The following PPP2R2C variants were observed in gnomAD, a reference collection of about 807,000 sequenced individuals.
PPP2R2C encodes the protein protein phosphatase 2, regulatory subunit B, gamma.
Under a neutral mutation model 45.3 loss-of-function variants are expected in PPP2R2C, and 10 were observed. The observed-to-expected ratio is 0.22, with a 90% CI of 0.14 to 0.37. The LOEUF is 0.37. Ranked by LOEUF, PPP2R2C falls within the 10% of genes least tolerant of loss-of-function variation. The pLI, the probability that PPP2R2C is intolerant of heterozygous loss-of-function variation, is 1.00. For synonymous variants in PPP2R2C, 257 were observed against 245.4 expected, an observed-to-expected ratio of 1.05 and a Z score of -0.44; for missense variants, 308 against 619.7, an observed-to-expected ratio of 0.50 and a Z score of 5.34.
chr4:6,381,248 C>T (rs1009148014), intron 1 of PPP2R2C, 154 bp from the exon 2 acceptor site: 24 of 1,534,552 alleles, frequency 1.6e-5, no homozygotes, highest in Middle Eastern at 1.7e-4. Flanking sequence ...TCAGGAGCAT[C>T]GGCGAGGGGC....
chr4:6,448,801 C>G (rs887125982), intron 1 of PPP2R2C, among the ~76,000 whole-genome samples: 1 of 152,206 alleles, frequency 6.6e-6, no homozygotes, highest in Non-Finnish European at 1.5e-5. Context: ...AACCACAAGC[C>G]AATGGCCACC....
At position 6,322,320 on chromosome 4, in the gene PPP2R2C, C is replaced by T. The variant is rs992335647; in HGVS notation, c.*982G>A. 1 of 152,218 alleles carries T rather than the reference C, an allele frequency of 6.6e-6. No individual in the cohort carries two copies. Among genetic ancestry groups the T allele is most frequent in the African/African-American group, 2.4e-5 (1 of 41,450 alleles). The allele number at this position is 152,218 out of a possible 1,614,324, so 9.4% of individuals were successfully genotyped here. On this transcript the variant is annotated 3_prime_UTR_variant, in exon 9 of 9. Coordinates refer to ENST00000382599, the MANE Select transcript of PPP2R2C (RefSeq NM_020416.4). This position sits in a 1 kb window ranked among gnomAD's most constrained non-coding sequence, Gnocchi z 7.8. ...GCTTCTTCTCGTGGACAGAGGGGATCCTAAGGGTTCCCGCTTATCCCCAGC... is the reference window on the plus strand; with the variant it reads ...GCTTCTTCTCGTGGACAGAGGGGATTCTAAGGGTTCCCGCTTATCCCCAGC...
At chr4:6,360,556 C>A (rs993958738) in intron 5 of PPP2R2C, among the ~76,000 whole-genome samples, 8 of 152,178 alleles carry the variant, frequency 5.3e-5, no homozygotes, top group African/African-American at 1.4e-4. Context: ...TGGAGGCAGC[C>A]CTGCCAAGAG....
At chr4:6,511,831 G>T (rs796625418) in intron 2 of PPP2R2C, among the ~76,000 whole-genome samples, 2 of 35,816 alleles carry the variant, frequency 5.6e-5, no homozygotes, top group Non-Finnish European at 1.3e-4. Context: ...GGTGGTGGTG[G>T]TGGTGATGGT....
rs143550981 is a variant in PPP2R2C at position 6,395,517 on chromosome 4, G to C, written c.71-14423C>G. Among the ~76,000 whole-genome samples, 837 of 152,286 alleles carry C rather than the reference G, an allele frequency of 5.5e-3. 6 individuals are homozygous for C. The highest frequency in any genetic ancestry group is 0.019 in the African/African-American group (796 of 41,564). On this transcript the variant is annotated intron_variant, in intron 1 of 8. Coordinates refer to ENST00000382599, the MANE Select transcript of PPP2R2C (RefSeq NM_020416.4). ...GAGAGGCTCCGTGTCTCGGTCTCTG[G>C]AGGACAGTCTGCTAGAGGGTGACAG... is the stretch of plus-strand genomic sequence containing the variant.
intron 1 of PPP2R2C, among the ~76,000 whole-genome samples, chr4:6,396,316 G>T (rs1483560163): frequency 6.6e-6 from 1 of 152,218 alleles, no homozygotes; most frequent in Admixed American, 6.5e-5. Flanking sequence ...GTCAGGCCAT[G>T]CCTTGTACCT....
intron 4 of PPP2R2C, among the ~76,000 whole-genome samples, chr4:6,374,701 ATGTCTGTTTCCT>A (rs990226577): frequency 6.6e-6 from 1 of 152,134 alleles, no homozygotes; most frequent in African/African-American, 2.4e-5. Context: ...TGGCGATTCC[ATGTCTGTTTCCT>A]TGGGGGCTGG....
intron 1 of PPP2R2C, among the ~76,000 whole-genome samples, chr4:6,467,735 C>T (rs1020093175): frequency 4.6e-5 from 7 of 152,076 alleles, no homozygotes; most frequent in Admixed American, 3.3e-4. Context: ...AAGTGCACAA[C>T]GAAAAGGAAA....
At chr4:6,508,567 C>T (rs11737367) in intron 2 of PPP2R2C, among the ~76,000 whole-genome samples, 39,436 of 151,440 alleles carry the variant, frequency 0.26, 6,563 homozygotes, top group East Asian at 0.59. Flanking sequence ...CCAGCCCTGG[C>T]GACGGAGTGA....
chr4:6,517,043 C>A (rs772768605), intron 2 of PPP2R2C, among the ~76,000 whole-genome samples: 4 of 152,216 alleles, frequency 2.6e-5, no homozygotes, highest in Non-Finnish European at 5.9e-5. Context: ...GTTCCTCCCA[C>A]GCCCACACTC....
At chr4:6,351,452 A>AGCCTATACATGGGGTGC in intron 5 of PPP2R2C, 1 of 700,512 alleles carries the variant, frequency 1.4e-6, no homozygotes, top group Non-Finnish European at 1.8e-6. Flanking sequence ...CGAGCACCCC[A>AGCCTATACATGGGGTGC]TGTATAGGCT....
intron 1 of PPP2R2C, among the ~76,000 whole-genome samples, chr4:6,400,230 C>T (rs1458989722): frequency 1.3e-5 from 2 of 152,146 alleles, no homozygotes; most frequent in African/African-American, 2.4e-5. Context: ...CAATGTATCA[C>T]AACAGACTGA....
upstream of PPP2R2C, among the ~76,000 whole-genome samples, chr4:6,473,278 G>A (rs746770053): frequency 1.1e-4 from 16 of 152,068 alleles, no homozygotes; most frequent in East Asian, 1.9e-4. Context: ...TGGAAAATGC[G>A]TCCCCCTCCT....
chr4:6,336,494 C>A lies in PPP2R2C; in HGVS notation c.791-2763G>T, dbSNP rs985567957. Among the ~76,000 whole-genome samples, 4 of 151,948 alleles carry A rather than the reference C, an allele frequency of 2.6e-5. No homozygotes were observed. In the East Asian group the frequency reaches 7.8e-4, roughly 30 times the overall value. ...TCCTCCCTACAACAGGAGCCAAGGG[C>A]GCTTTTCAGGAAGGGGCAGGAGGAG... is the stretch of plus-strand genomic sequence containing the variant. On this transcript the variant is annotated intron_variant, in intron 6 of 8. Transcript: ENST00000382599.
At chr4:6,553,487 G>A (rs1316687078) in intron 1 of PPP2R2C, among the ~76,000 whole-genome samples, 1 of 152,194 alleles carries the variant, frequency 6.6e-6, no homozygotes, top group African/African-American at 2.4e-5. Context: ...ATCATTGAGG[G>A]AGACGCCACT....
Position 6,323,322 on chromosome 4 carries a change from C to T in PPP2R2C, c.1324G>A (p.Val442Ile), listed in dbSNP as rs1392708055. The change falls in exon 9 of 9, where the codon GTA (valine) becomes ATA (isoleucine). Residue 442 changes from valine to isoleucine, a missense_variant. Physicochemically the swap from Val to Ile is conservative, Grantham distance 29 (BLOSUM62 3). Coordinates refer to ENST00000382599, the MANE Select transcript of PPP2R2C (RefSeq NM_020416.4). Reference protein sequence around the residue: ...TNNLYIFQDKVNSDMH With the variant: ...TNNLYIFQDKINSDMH Reference sequence around the variant, plus strand: ...CATACCTAGTGCATGTCAGAGTTTACCTTGTCCTGGAAGATGTACAGGTTG... The same window carrying T: ...CATACCTAGTGCATGTCAGAGTTTATCTTGTCCTGGAAGATGTACAGGTTG... 11 of 1,605,478 alleles carry T rather than the reference C, an allele frequency of 6.9e-6. No individual in the cohort carries two copies. Among genetic ancestry groups the T allele is most frequent in the African/African-American group, 1.3e-5 (1 of 74,932 alleles).
At chr4:6,393,564 G>GT (rs1297249117) in intron 1 of PPP2R2C, among the ~76,000 whole-genome samples, 2 of 152,192 alleles carry the variant, frequency 1.3e-5, no homozygotes, top group Non-Finnish European at 2.9e-5. Context: ...TGCCCCCATG[G>GT]CCCCGGCCTC....
At chr4:6,433,094 T>C (rs1389626800) in intron 1 of PPP2R2C, among the ~76,000 whole-genome samples, 1 of 152,186 alleles carries the variant, frequency 6.6e-6, no homozygotes, top group Admixed American at 6.5e-5. Flanking sequence ...GTTTATCAAC[T>C]GTTCATGTTT....
chr4:6,336,605 GATGA>G (rs1732876843), intron 6 of PPP2R2C, among the ~76,000 whole-genome samples: 1 of 1,138 alleles, frequency 8.8e-4, no homozygotes, highest in East Asian at 2.2e-3. Context: ...CCCAGTGCAC[GATGA>G]GTGCTGCAGC....
Sources: gnomAD v4.1 joint callset for allele counts (sites outside exome capture counted in the v4.1 genomes callset) on GRCh38, gnomAD v4.1.1 for gene constraint, Gnocchi (gnomAD v3.1) non-coding constraint, MANE v1.5 for transcripts, NCBI Gene and HGNC (gene_info 2026-07-23, HGNC 2026-07-21) for gene names.